The following LAMB1 variants were observed in gnomAD, a reference collection of about 807,000 sequenced individuals.
LAMB1 encodes the protein laminin subunit beta 1.
Under a neutral mutation model 222.3 loss-of-function variants are expected in LAMB1, and 121 were observed. That is an observed-to-expected ratio of 0.54 (90% CI 0.47 to 0.63). The LOEUF (loss-of-function observed/expected upper bound fraction) is 0.63, where lower values mean the gene tolerates loss of function less well. Among genes scored for constraint, LAMB1 ranks in the 30% least tolerant of loss-of-function variants. The pLI, the probability that LAMB1 is intolerant of heterozygous loss-of-function variation, is 0.00. For missense variants in LAMB1, 2,172 were observed against 2,240.8 expected (o/e 0.97, Z 0.62); for synonymous variants, 794 against 807.2 (o/e 0.98, Z 0.28).
In LAMB1 at chr7:107,982,799, A is replaced by C. The variant is rs540989041; in HGVS notation, c.677-1988T>G. On this transcript the variant is annotated intron_variant, in intron 7 of 33. Transcript: ENST00000222399. ...GAGTCTCAGGTCTCAACAATAGACA[A>C]CTAAAGAGATATTGCTCCCTTGATT... 5.9e-5 allele frequency among the ~76,000 whole-genome samples: 9 copies of C among 152,374 alleles called. No homozygotes were observed. In the South Asian group the frequency reaches 1.9e-3, roughly 32 times the overall value.
intron 28 of LAMB1, 98 bp from the exon 29 acceptor site, chr7:107,931,598 G>A (rs909370574): frequency 1.7e-6 from 2 of 1,147,808 alleles, no homozygotes; most frequent in Non-Finnish European, 2.5e-6. Context: ...GAAAAACTAT[G>A]TACTTGGAAT....
rs149286725 is a variant in LAMB1 at position 107,962,582 on chromosome 7, C to T, written c.1857+323G>A. 5.3e-3 allele frequency among the ~76,000 whole-genome samples: 801 copies of T among 151,912 alleles called. 10 individuals are homozygous for T. The highest frequency in any genetic ancestry group is 0.019 in the African/African-American group (776 of 41,434). ...TACAAAAATTAGCTGGGCATGGTGG[C>T]GCATGCCTGTAATCCCAGCTACTCA... On this transcript the variant is annotated intron_variant, in intron 15 of 33. Coordinates refer to ENST00000222399, the MANE Select transcript of LAMB1 (RefSeq NM_002291.3).
intron 30 of LAMB1, 71 bp downstream of exon 30, chr7:107,929,341 G>T: frequency 6.6e-7 from 1 of 1,513,504 alleles, no homozygotes; most frequent in Middle Eastern, 1.7e-4. Context: ...AGTTTCATTG[G>T]TTAAAGAGAT....
At chr7:107,942,964 C>A (rs901433585) in intron 24 of LAMB1, among the ~76,000 whole-genome samples, 1 of 151,996 alleles carries the variant, frequency 6.6e-6, no homozygotes, top group Admixed American at 6.6e-5. Flanking sequence ...TTTTCAAAAC[C>A]AAGACCTTAG....
chr7:107,932,230 C>A lies in LAMB1; in HGVS notation c.4336G>T (p.Asp1446Tyr). 6.2e-7 allele frequency: 1 copy of A among 1,614,230 alleles called. No individual in the cohort carries two copies. Among genetic ancestry groups the A allele is most frequent in the East Asian group, 2.2e-5 (1 of 44,888 alleles). ...VAHNAWQKAM[D>Y]LDQDVLSALA... ...GCACTCAGGACATCTTGGTCCAAGT[C>A]CATGGCTTTCTGCCAGGCGTTGTGT... Residue 1446 changes from aspartate (D) to tyrosine (Y), a missense_variant, in exon 28 of 34, where the codon GAC becomes TAC. Physicochemically the swap from Asp to Tyr is radical, Grantham distance 160 (BLOSUM62 -3). Transcript: ENST00000222399.
Position 107,964,684 on chromosome 7 carries a change from G to T in LAMB1, c.1566C>A (p.Cys522Ter). 6.2e-7 allele frequency: 1 copy of T among 1,614,070 alleles called. No homozygotes were observed. Among genetic ancestry groups the T allele is most frequent in the Non-Finnish European group, 8.5e-7 (1 of 1,179,990 alleles). The stretch of plus-strand genomic sequence containing the variant: ...ATGAGCACTGGCCTGACTCCGCAAA[G>T]CAACTGGAAGGGAGGAGGAGCCACA... ...CDLGGALNNS[C>*]FAESGQCSCR... The change falls in exon 14 of 34, where the codon TGC becomes TGA. Residue 522 changes from cysteine to a stop codon, truncating the protein, a stop_gained. Coordinates refer to ENST00000222399, the MANE Select transcript of LAMB1 (RefSeq NM_002291.3). LOFTEE classifies it high-confidence loss of function.
At chr7:107,973,100 G>A (rs746069222) in intron 12 of LAMB1, 29 bp from the exon 13 acceptor site, 17 of 1,581,642 alleles carry the variant, frequency 1.1e-5, no homozygotes, top group Middle Eastern at 1.7e-4. Context: ...AACATGTAAC[G>A]GTAGGTTTCT....
In LAMB1 at chr7:107,978,163, T is replaced by C. The variant is rs1466168090; in HGVS notation, c.884A>G (p.His295Arg). Residue 295 changes from histidine to arginine, a missense_variant, in exon 9 of 34, where the codon CAC (histidine) becomes CGC (arginine). By Grantham distance (29) the His-to-Arg change is conservative. Coordinates refer to ENST00000222399, the MANE Select transcript of LAMB1 (RefSeq NM_002291.3). Reference protein sequence around the residue: ...GFNEEVEGMVHGHCMCRHNTK... With the variant: ...GFNEEVEGMVRGHCMCRHNTK... ...GTTATGCCTGCACATGCAGTGTCCG[T>C]GAACCTTGAAAGTTATAAAAACAGG... 1.2e-6 allele frequency: 2 copies of C among 1,613,814 alleles called. No homozygotes were observed. The highest frequency in any genetic ancestry group is 1.7e-6 in the Non-Finnish European group (2 of 1,179,882).
At chr7:107,998,997 C>T (rs998657552) in intron 3 of LAMB1, among the ~76,000 whole-genome samples, 6 of 152,230 alleles carry the variant, frequency 3.9e-5, no homozygotes, top group South Asian at 2.1e-4. Context: ...AAGATTTCTT[C>T]GTTTCCACCC....
At chr7:107,962,271 C>T (rs918258957) in intron 15 of LAMB1, among the ~76,000 whole-genome samples, 2 of 152,178 alleles carry the variant, frequency 1.3e-5, no homozygotes, top group African/African-American at 4.8e-5. Context: ...TTCAGTCTTT[C>T]GTTACAGTTC....
chr7:107,954,033 C>T (rs1357063330), intron 21 of LAMB1, among the ~76,000 whole-genome samples: 1 of 152,186 alleles, frequency 6.6e-6, no homozygotes, highest in Non-Finnish European at 1.5e-5. Flanking sequence ...CCAGAGGCCA[C>T]AGCGGCTGTG....
Position 107,965,602 on chromosome 7 carries a change from G to A in LAMB1, c.1563-915C>T, listed in dbSNP as rs181135794. ...TTCTCAGCTTATGTCCCTTTTATTA[G>A]TATCATAATTTTGTATACAATACAA... On this transcript the variant is annotated intron_variant, in intron 13 of 33. Coordinates refer to ENST00000222399, the MANE Select transcript of LAMB1 (RefSeq NM_002291.3). 3.0e-3 allele frequency among the ~76,000 whole-genome samples: 460 copies of A among 151,990 alleles called. 2 individuals carry two copies. The highest frequency in any genetic ancestry group is 0.01 in the African/African-American group (420 of 41,456).
At chr7:107,952,667 C>G (rs1341540041) in intron 22 of LAMB1, among the ~76,000 whole-genome samples, 1 of 152,168 alleles carries the variant, frequency 6.6e-6, no homozygotes, top group East Asian at 1.9e-4. Context: ...GAATCCAGTC[C>G]TGCTGGTCCC....
At chr7:107,946,690 T>A (rs1043862993) in intron 24 of LAMB1, among the ~76,000 whole-genome samples, 1 of 152,376 alleles carries the variant, frequency 6.6e-6, no homozygotes, top group Non-Finnish European at 1.5e-5. Flanking sequence ...CAACAGTATT[T>A]ATAGTTCTCT....
intron 9 of LAMB1, 140 bp from the exon 10 acceptor site, chr7:107,976,017 A>G: frequency 3.1e-6 from 2 of 649,980 alleles, no homozygotes; most frequent in Non-Finnish European, 5.2e-6. Context: ...TCCTGGGGAA[A>G]AAGGACGCAT....
intron 32 of LAMB1, among the ~76,000 whole-genome samples, chr7:107,925,632 A>G (rs1437558720): frequency 6.6e-6 from 1 of 152,186 alleles, no homozygotes; most frequent in African/African-American, 2.4e-5. Context: ...TGTTTCAGTT[A>G]TTACATGGCT....
Position 107,929,605 on chromosome 7 carries a change from A to C in LAMB1, c.4552T>G (p.Leu1518Val), listed in dbSNP as rs2032657558. Residue 1518 changes from leucine (L) to valine (V), a missense_variant, in exon 30 of 34, where the codon TTG becomes GTG. Leu to Val is a conservative substitution (Grantham distance 32, BLOSUM62 1). Transcript: ENST00000222399. ...TTAGCAACTGCTTCAATGCTGTCCA[A>C]ATCAGCACTATCCTCTGTGAAAAGC... ...RNFLTQDSAD[L>V]DSIEAVANEV... is the part of the protein sequence containing the mutation. The C allele has an allele frequency of 1.2e-6, 2 of 1,613,898 alleles. No homozygotes were observed. The highest frequency in any genetic ancestry group is 2.2e-5 in the East Asian group (1 of 44,880).
chr7:107,945,008 C>A (rs1388041210), intron 24 of LAMB1, among the ~76,000 whole-genome samples: 2 of 152,194 alleles, frequency 1.3e-5, no homozygotes, highest in Admixed American at 1.3e-4. Flanking sequence ...CAGAAACTTT[C>A]TCTTGGAAAG....
intron 20 of LAMB1, among the ~76,000 whole-genome samples, chr7:107,958,691 T>G (rs531483247): frequency 6.6e-6 from 1 of 152,324 alleles, no homozygotes; most frequent in East Asian, 1.9e-4. Flanking sequence ...GCTATCCTAT[T>G]AATGTTATGG....
Sources: gnomAD v4.1 joint callset for allele counts (sites outside exome capture counted in the v4.1 genomes callset) on GRCh38, gnomAD v4.1.1 for gene constraint, MANE v1.5 for transcripts, NCBI Gene and HGNC (gene_info 2026-07-23, HGNC 2026-07-21) for gene names.